Variants in SWAP70 observed in about 807,000 individuals in gnomAD.
The protein encoded by SWAP70 is switch-associated protein 70.
In SWAP70, 34 loss-of-function variants were observed where a neutral mutation model predicts 80.2. That is an observed-to-expected ratio of 0.42 (90% confidence interval 0.32 to 0.56). The LOEUF is 0.56. Ranked by LOEUF, SWAP70 falls within the 20% of genes least tolerant of loss-of-function variation. The probability of loss-of-function intolerance (pLI) is 0.09; values close to 1 mark genes in which losing one functional copy is unlikely to be tolerated. For missense variants in SWAP70, 578 were observed against 690.7 expected (o/e 0.84, Z 1.83); for synonymous variants, 239 against 238.5 (o/e 1.00, Z -0.02).
At chr11:9,729,133 A>T (rs1202904779) in intron 5 of SWAP70, among the ~76,000 whole-genome samples, 1 of 152,220 alleles carries the variant, frequency 6.6e-6, no homozygotes, top group Non-Finnish European at 1.5e-5. Context: ...TCAGGTGTTT[A>T]TAGTTTTACC....
chr11:9,665,433 T>C (rs1355028786), intron 1 of SWAP70, among the ~76,000 whole-genome samples: 1 of 152,226 alleles, frequency 6.6e-6, no homozygotes, highest in Non-Finnish European at 1.5e-5. Context: ...AAATTGACTT[T>C]TGGTGTACAG....
chr11:9,692,363 C>T (rs1385999942), intron 1 of SWAP70, among the ~76,000 whole-genome samples: 1 of 151,744 alleles, frequency 6.6e-6, no homozygotes, highest in Admixed American at 6.6e-5. Context: ...GTCTTCCTTT[C>T]ACAGTTACTA....
intron 1 of SWAP70, among the ~76,000 whole-genome samples, chr11:9,675,350 A>AGC (rs1565111673): frequency 6.3e-5 from 1 of 15,934 alleles, no homozygotes; most frequent in African/African-American, 3.0e-4. Context: ...AGGGAGCGAG[A>AGC]GAGAGAGAGA....
chr11:9,747,421 G>A (rs1178096967), intron 9 of SWAP70, among the ~76,000 whole-genome samples: 1 of 152,196 alleles, frequency 6.6e-6, no homozygotes, highest in Non-Finnish European at 1.5e-5. Context: ...ATGTTTTCAT[G>A]TTGTAGCAAC....
chr11:9,749,032 T>C, intron 10 of SWAP70, 55 bp from the exon 11 acceptor site: 1 of 1,147,786 alleles, frequency 8.7e-7, no homozygotes, highest in Non-Finnish European at 1.3e-6. Flanking sequence ...TAGTTGTGAT[T>C]TGGTTCTTAA....
intron 2 of SWAP70, among the ~76,000 whole-genome samples, chr11:9,704,514 C>G (rs926922531): frequency 1.3e-5 from 2 of 152,134 alleles, no homozygotes; most frequent in Non-Finnish European, 2.9e-5. Flanking sequence ...CATGCCTCAG[C>G]CTCCTGAGTA....
chr11:9,722,581 A>G lies in SWAP70; in HGVS notation c.415-2077A>G, dbSNP rs572915210. 4.6e-5 allele frequency among the ~76,000 whole-genome samples: 7 copies of G among 152,328 alleles called. No homozygotes were observed. The South Asian group carries it at 1.0e-3, about 23-fold the overall frequency. ...TCTAACAAGCTTCCAGGTGGTGCCG[A>G]CGTCACTGGTCCGCATGCTTCGTTT... is the stretch of plus-strand genomic sequence containing the variant. On this transcript the variant is annotated intron_variant, in intron 3 of 11. Transcript: ENST00000318950.
At chr11:9,697,602 A>C (rs1174106463) in intron 2 of SWAP70, among the ~76,000 whole-genome samples, 2 of 152,150 alleles carry the variant, frequency 1.3e-5, no homozygotes, top group Admixed American at 1.3e-4. Context: ...TTTAGAAACC[A>C]CGAGAAATAT....
At chr11:9,688,094 T>A (rs1850654406) in intron 1 of SWAP70, among the ~76,000 whole-genome samples, 1 of 152,204 alleles carries the variant, frequency 6.6e-6, no homozygotes, top group Non-Finnish European at 1.5e-5. Context: ...TCTTTTTATC[T>A]GTGAAGTGAG....
chr11:9,743,558 C>A (rs1257635617), intron 9 of SWAP70, among the ~76,000 whole-genome samples: 1 of 151,460 alleles, frequency 6.6e-6, no homozygotes, highest in Admixed American at 6.6e-5. Context: ...CTCTCTAGCA[C>A]CTGTTGTTTC....
intron 2 of SWAP70, among the ~76,000 whole-genome samples, chr11:9,709,392 G>A (rs758237426): frequency 6.6e-6 from 1 of 152,188 alleles, no homozygotes; most frequent in Non-Finnish European, 1.5e-5. Context: ...GCCTCCCAAA[G>A]CATTGGAATT....
chr11:9,689,934 C>T (rs1447901155), intron 1 of SWAP70, among the ~76,000 whole-genome samples: 1 of 152,136 alleles, frequency 6.6e-6, no homozygotes, highest in African/African-American at 2.4e-5. Context: ...AACTCACGGG[C>T]GTGTCCATCT....
Position 9,713,566 on chromosome 11 carries a change from A to G in SWAP70, c.341A>G (p.Asp114Gly), listed in dbSNP as rs996392104. 1.2e-6 allele frequency: 2 copies of G among 1,614,056 alleles called. No homozygotes were observed. Among genetic ancestry groups the G allele is most frequent in the African/African-American group, 2.7e-5 (2 of 75,054 alleles). ...AATCCCCTGCTCATTACAGAAGAAG[A>G]TGCATTTAAAATATGGGTTATTTTC... ...TKNPLLITEE[D>G]AFKIWVIFNF... The change falls in exon 3 of 12, where the codon GAT becomes GGT. Residue 114 changes from aspartate (D) to glycine (G), a missense_variant. Asp to Gly is a moderately conservative substitution (Grantham distance 94). Transcript: ENST00000318950.
chr11:9,672,982 A>C (rs766216154), intron 1 of SWAP70, among the ~76,000 whole-genome samples: 2 of 152,170 alleles, frequency 1.3e-5, no homozygotes, highest in Non-Finnish European at 2.9e-5. Flanking sequence ...TCAACACAGA[A>C]GATTTCTGGT....
At chr11:9,748,997 T>G in intron 10 of SWAP70, 90 bp from the exon 11 acceptor site, 3 of 665,332 alleles carry the variant, frequency 4.5e-6, no homozygotes, top group Non-Finnish European at 7.5e-6. Flanking sequence ...ATGAGATAAT[T>G]CACAAATACA....
At chr11:9,666,447 C>G (rs1850308056) in intron 1 of SWAP70, among the ~76,000 whole-genome samples, 1 of 151,986 alleles carries the variant, frequency 6.6e-6, no homozygotes, top group Non-Finnish European at 1.5e-5. Context: ...TTAGTACTTG[C>G]TCTAGGAGTT....
intron 8 of SWAP70, 81 bp from the exon 9 acceptor site, chr11:9,740,100 G>A: frequency 7.3e-7 from 1 of 1,373,010 alleles, no homozygotes; most frequent in Non-Finnish European, 1.0e-6. Context: ...TGCAGCTGTG[G>A]GCAACCCCTC....
At chr11:9,723,722 T>G (rs1431160793) in intron 3 of SWAP70, among the ~76,000 whole-genome samples, 3 of 152,168 alleles carry the variant, frequency 2.0e-5, no homozygotes, top group Non-Finnish European at 2.9e-5. Context: ...TCATTCAGTT[T>G]TACTGCCTTA....
intron 1 of SWAP70, among the ~76,000 whole-genome samples, chr11:9,685,117 CTT>C (rs1011054261): frequency 2.0e-4 from 28 of 138,976 alleles, no homozygotes; most frequent in African/African-American, 1.6e-4. Context: ...GGGTGACTTT[CTT>C]TTTTTTTTTT....
Sources: gnomAD v4.1 joint callset for allele counts (sites outside exome capture counted in the v4.1 genomes callset) on GRCh38, gnomAD v4.1.1 for gene constraint, MANE v1.5 for transcripts, NCBI Gene and HGNC (gene_info 2026-07-23, HGNC 2026-07-21) for gene names.